The following ALG8 variants were observed in gnomAD, a reference collection of about 807,000 sequenced individuals.
The protein encoded by ALG8 is ALG8 alpha-1,3-glucosyltransferase, also known as dolichyl pyrophosphate Glc1Man9GlcNAc2 alpha-1,3-glucosyltransferase.
Under a neutral mutation model 70.2 loss-of-function variants are expected in ALG8, and 48 were observed. That is an observed-to-expected ratio of 0.68 (90% CI 0.54 to 0.87). The LOEUF (loss-of-function observed/expected upper bound fraction) is 0.87. Among genes scored for constraint, ALG8 ranks in the 40% least tolerant of loss-of-function variants. The pLI, the probability that ALG8 is intolerant of heterozygous loss-of-function variation, is 0.00. For missense variants in ALG8, 572 were observed against 608.7 expected (o/e 0.94, Z 0.64); for synonymous variants, 234 against 229.0 (o/e 1.02, Z -0.20).
intron 3 of ALG8, among the ~76,000 whole-genome samples, chr11:78,121,954 T>C (rs1341177591): frequency 6.6e-6 from 1 of 152,240 alleles, no homozygotes; most frequent in African/African-American, 2.4e-5. Context: ...TTTTATTTTA[T>C]GAAAATTATA....
At chr11:78,129,992 C>A (rs1378814680) in intron 1 of ALG8, among the ~76,000 whole-genome samples, 8 of 152,006 alleles carry the variant, frequency 5.3e-5, no homozygotes, top group South Asian at 2.1e-4. Flanking sequence ...GTATAAAATT[C>A]AAAAACAAAC....
intron 5 of ALG8, among the ~76,000 whole-genome samples, chr11:78,118,791 A>G (rs1321541390): frequency 6.6e-6 from 1 of 152,044 alleles, no homozygotes; most frequent in East Asian, 1.9e-4. Flanking sequence ...AAAATTAGCC[A>G]GGTGTGGTGG....
At chr11:78,136,109 G>A (rs1200220048) in intron 1 of ALG8, among the ~76,000 whole-genome samples, 2 of 152,054 alleles carry the variant, frequency 1.3e-5, no homozygotes, top group Non-Finnish European at 2.9e-5. Context: ...AGTAGAGGCA[G>A]CAGTGAGCTG....
intron 1 of ALG8, among the ~76,000 whole-genome samples, chr11:78,133,023 G>A (rs1861374262): frequency 6.6e-6 from 1 of 151,932 alleles, no homozygotes. Flanking sequence ...TTTCAGTAGA[G>A]ACGGGGTTTC....
chr11:78,133,127 A>G (rs541044317), intron 1 of ALG8, among the ~76,000 whole-genome samples: 16 of 151,952 alleles, frequency 1.1e-4, no homozygotes, highest in African/African-American at 2.7e-4. Context: ...GAGCCACCAC[A>G]CCCAGCCTCT....
intron 12 of ALG8, among the ~76,000 whole-genome samples, chr11:78,101,656 AG>A: frequency 6.6e-6 from 1 of 152,292 alleles, no homozygotes; most frequent in South Asian, 2.1e-4. Flanking sequence ...TTTCACATTT[AG>A]AAAAAAATGA....
At chr11:78,132,997 C>G (rs986567170) in intron 1 of ALG8, among the ~76,000 whole-genome samples, 3 of 152,002 alleles carry the variant, frequency 2.0e-5, no homozygotes, top group Admixed American at 6.6e-5. Flanking sequence ...CCACCACACC[C>G]GGCTAATTTT....
At chr11:78,104,831 G>GC (rs367709786) in intron 10 of ALG8, among the ~76,000 whole-genome samples, 133 of 152,182 alleles carry the variant, frequency 8.7e-4, no homozygotes, top group African/African-American at 3.1e-3. Context: ...GGGCATGGTG[G>GC]CGGGTGCTTG....
intron 4 of ALG8, among the ~76,000 whole-genome samples, 179 bp from the exon 5 acceptor site, chr11:78,119,428 A>ATTTTTTT (rs768598740): frequency 1.1e-5 from 1 of 88,698 alleles, no homozygotes; most frequent in African/African-American, 6.4e-5. Context: ...TTTTTTTTTA[A>ATTTTTTT]TTTTTTTTTT....
chr11:78,116,314 G>A (rs1860564462), intron 5 of ALG8, among the ~76,000 whole-genome samples: 1 of 152,114 alleles, frequency 6.6e-6, no homozygotes, highest in Non-Finnish European at 1.5e-5. Flanking sequence ...AGGTTGCAGT[G>A]AGCTGAGATC....
chr11:78,118,014 T>C (rs1384869653), intron 5 of ALG8, among the ~76,000 whole-genome samples: 1 of 145,806 alleles, frequency 6.9e-6, no homozygotes, highest in African/African-American at 2.6e-5. Flanking sequence ...GAGCTTGCAG[T>C]GAGCCAAGAT....
At chr11:78,132,644 T>C (rs1189362302) in intron 1 of ALG8, among the ~76,000 whole-genome samples, 2 of 152,072 alleles carry the variant, frequency 1.3e-5, no homozygotes, top group East Asian at 3.9e-4. Context: ...ACAGGGCCTA[T>C]ATTTATACAG....
At chr11:78,134,039 C>A (rs1861432666) in intron 1 of ALG8, among the ~76,000 whole-genome samples, 2 of 152,132 alleles carry the variant, frequency 1.3e-5, no homozygotes, top group African/African-American at 4.8e-5. Context: ...TTCGGCAAGT[C>A]CTAATCTTTT....
At chr11:78,130,176 C>T (rs1861242904) in intron 1 of ALG8, among the ~76,000 whole-genome samples, 1 of 151,502 alleles carries the variant, frequency 6.6e-6, no homozygotes, top group Admixed American at 6.6e-5. Context: ...ACAATGAGAC[C>T]CCATCTCTCA....
intron 1 of ALG8, among the ~76,000 whole-genome samples, chr11:78,130,571 T>A (rs994904861): frequency 2.6e-5 from 4 of 152,150 alleles, no homozygotes; most frequent in African/African-American, 9.7e-5. Flanking sequence ...GAAATTTACT[T>A]CCACTGAACT....
chr11:78,138,103 T>C (rs886483642), intron 1 of ALG8, among the ~76,000 whole-genome samples: 25 of 152,162 alleles, frequency 1.6e-4, no homozygotes, highest in African/African-American at 5.6e-4. Context: ...CCCAACATTA[T>C]GGGAGGCCGA....
intron 11 of ALG8, 39 bp from the exon 12 acceptor site, chr11:78,104,091 T>C (rs375289597): frequency 4.7e-6 from 6 of 1,270,914 alleles, no homozygotes; most frequent in South Asian, 1.3e-5. Context: ...ATTTAGCTGA[T>C]GACAGAAAGA....
intron 5 of ALG8, among the ~76,000 whole-genome samples, chr11:78,116,806 G>C (rs1860593026): frequency 6.6e-6 from 1 of 152,216 alleles, no homozygotes; most frequent in African/African-American, 2.4e-5. Flanking sequence ...TTCTGCAGGG[G>C]AAACTGCCAC....
At chr11:78,134,380 C>T (rs1028511807) in intron 1 of ALG8, among the ~76,000 whole-genome samples, 1 of 152,108 alleles carries the variant, frequency 6.6e-6, no homozygotes, top group East Asian at 1.9e-4. Context: ...TCAGGTGACC[C>T]GCCCGCCTCA....
Sources: allele counts gnomAD v4.1 joint callset (sites outside exome capture counted in the v4.1 genomes callset), GRCh38; gene constraint gnomAD v4.1.1; transcripts MANE v1.5; gene names NCBI Gene and HGNC (gene_info 2026-07-23, HGNC 2026-07-21).